Variants in SUGCT observed in about 807,000 individuals in gnomAD.
SUGCT encodes the protein succinyl-CoA:glutarate-CoA transferase.
A neutral mutation model predicts 55.0 loss-of-function variants in SUGCT; 41 were observed. That is an observed-to-expected ratio of 0.74 (90% CI 0.58 to 0.97). SUGCT has a LOEUF of 0.97. Among genes scored for constraint, SUGCT ranks in the 50% least tolerant of loss-of-function variants. SUGCT has a pLI of 0.00. For synonymous variants in SUGCT, 187 were observed against 200.4 expected (o/e 0.93, Z 0.56); for missense variants, 568 against 547.8 (o/e 1.04, Z -0.37).
intron 13 of SUGCT, among the ~76,000 whole-genome samples, chr7:40,854,419 C>CCTTT (rs70990650): frequency 0.14 from 12,461 of 88,208 alleles, 822 homozygotes; most frequent in Non-Finnish European, 0.16. Flanking sequence ...TTCTTTCTTT[C>CCTTT]CTTTCTTTCT....
At chr7:40,616,177 A>G (rs1798992865) in intron 12 of SUGCT, among the ~76,000 whole-genome samples, 1 of 152,146 alleles carries the variant, frequency 6.6e-6, no homozygotes, top group Non-Finnish European at 1.5e-5. Context: ...AGAAACCAGG[A>G]ACTAGGTATG....
chr7:40,954,470 G>A, the SUGCT span, among the ~76,000 whole-genome samples: 1 of 152,158 alleles, frequency 6.6e-6, no homozygotes, highest in African/African-American at 2.4e-5. Flanking sequence ...TGCACCCAGT[G>A]TCTGACAAGC....
chr7:40,135,792 G>A (rs1787655008), intron 1 of SUGCT, among the ~76,000 whole-genome samples: 1 of 151,892 alleles, frequency 6.6e-6, no homozygotes, highest in South Asian at 2.1e-4. Flanking sequence ...GAGTAGCTGG[G>A]ATTATAGGCA....
At chr7:40,149,862 T>C (rs1371405155) in intron 1 of SUGCT, among the ~76,000 whole-genome samples, 16 of 152,150 alleles carry the variant, frequency 1.1e-4, no homozygotes, top group Admixed American at 1.0e-3. Context: ...GAGGTTGCAG[T>C]GAGCTGAGAT....
At chr7:40,449,483 G>T in intron 10 of SUGCT, 125 bp downstream of exon 10, 1 of 689,414 alleles carries the variant, frequency 1.5e-6, no homozygotes, top group Admixed American at 2.2e-5. Context: ...ATATTCATGC[G>T]CATAAAGGAT....
chr7:40,846,188 G>A (rs1378733784), intron 13 of SUGCT, among the ~76,000 whole-genome samples: 2 of 152,130 alleles, frequency 1.3e-5, no homozygotes, highest in East Asian at 1.9e-4. Context: ...TTTCCATGGT[G>A]AAATCTAACC....
At position 40,860,443 on chromosome 7, in the gene SUGCT, C is replaced by G. The variant is rs760673817; in HGVS notation, c.1281C>G (p.Leu427=). The change falls in exon 14 of 14, where the codon CTC becomes CTG. Residue 427 remains leucine (L), a synonymous_variant. Transcript: ENST00000335693. ...ATGACAGGGCCATCGGGGAGCTGCTCAGCGCTGGAGTGGTGGACCAACATG... is the reference window on the plus strand; with the variant it reads ...ATGACAGGGCCATCGGGGAGCTGCTGAGCGCTGGAGTGGTGGACCAACATG... ...RYDDRAIGEL[L]SAGVVDQHET... 2 of 1,613,800 alleles carry G rather than the reference C, an allele frequency of 1.2e-6. No individual in the cohort carries two copies. The highest frequency in any genetic ancestry group is 1.3e-5 in the African/African-American group (1 of 74,924).
intron 13 of SUGCT, among the ~76,000 whole-genome samples, chr7:40,761,670 A>G (rs1026998773): frequency 2.0e-5 from 3 of 152,196 alleles, no homozygotes; most frequent in Non-Finnish European, 4.4e-5. Flanking sequence ...TTGACAGCAG[A>G]GCCCTTTTTC....
At chr7:40,980,653 AAG>A in the SUGCT span, among the ~76,000 whole-genome samples, 2 of 151,834 alleles carry the variant, frequency 1.3e-5, no homozygotes, top group African/African-American at 4.8e-5. Flanking sequence ...AGAAGGAAAA[AAG>A]AGGTGAGTAG....
At chr7:40,747,062 G>A (rs367810182) in intron 12 of SUGCT, among the ~76,000 whole-genome samples, 1 of 152,154 alleles carries the variant, frequency 6.6e-6, no homozygotes, top group Non-Finnish European at 1.5e-5. Context: ...GAAGCTGTGC[G>A]GGGCGGGTGC....
At chr7:40,586,418 C>T (rs779375413) in intron 12 of SUGCT, among the ~76,000 whole-genome samples, 6 of 152,104 alleles carry the variant, frequency 3.9e-5, no homozygotes, top group Non-Finnish European at 5.9e-5. Flanking sequence ...GGCTGCCAGA[C>T]TGGATGATGC....
chr7:40,919,429 A>C, the SUGCT span, among the ~76,000 whole-genome samples: 1 of 152,220 alleles, frequency 6.6e-6, no homozygotes, highest in African/African-American at 2.4e-5. Context: ...TCACTCAGAA[A>C]GTCCTATTCA....
chr7:40,418,763 G>A (rs1409863185), intron 9 of SUGCT, among the ~76,000 whole-genome samples: 2 of 152,128 alleles, frequency 1.3e-5, no homozygotes, highest in Admixed American at 6.5e-5. Flanking sequence ...TACCATGAGG[G>A]TCTTTAAATG....
the SUGCT span, among the ~76,000 whole-genome samples, chr7:41,007,745 T>C: frequency 6.8e-6 from 1 of 146,704 alleles, no homozygotes; most frequent in East Asian, 2.0e-4. Flanking sequence ...TTGGATTATT[T>C]GACCATGAAA....
At chr7:40,901,417 A>G in the SUGCT span, among the ~76,000 whole-genome samples, 3 of 152,282 alleles carry the variant, frequency 2.0e-5, no homozygotes, top group Middle Eastern at 3.4e-3. Context: ...TATCTATCTC[A>G]CGAGAATAAC....
chr7:40,898,484 G>GGGGGGGGC, the SUGCT span, among the ~76,000 whole-genome samples: 1 of 106,142 alleles, frequency 9.4e-6, no homozygotes, highest in Non-Finnish European at 2.1e-5. Context: ...GGAGGTCGGG[G>GGGGGGGGC]GGGGGGGGGG....
At chr7:40,908,382 C>CAAAA in the SUGCT span, among the ~76,000 whole-genome samples, 28 of 82,618 alleles carry the variant, frequency 3.4e-4, no homozygotes, top group African/African-American at 1.3e-3. Flanking sequence ...GACTCTGTCT[C>CAAAA]AAAAAAAAAA....
chr7:40,759,927 C>T (rs573592674), intron 13 of SUGCT, among the ~76,000 whole-genome samples: 1 of 151,416 alleles, frequency 6.6e-6, no homozygotes, highest in Non-Finnish European at 1.5e-5. Flanking sequence ...TATTGTTAGG[C>T]CATTTTAATA....
chr7:40,481,050 C>T lies in SUGCT; in HGVS notation c.987-15234C>T, dbSNP rs1209301308. On this transcript the variant is annotated intron_variant, in intron 11 of 13. Transcript: ENST00000335693. ...AAAAATCAAGTCTGGTGCAGTGGCC[C>T]ATGCCTGTAATCCCAGCACTTTGGG... 2.0e-5 allele frequency among the ~76,000 whole-genome samples: 3 copies of T among 152,262 alleles called. No individual in the cohort carries two copies. In the South Asian group the frequency reaches 6.2e-4, roughly 32 times the overall value.
Sources: allele counts gnomAD v4.1 joint callset (sites outside exome capture counted in the v4.1 genomes callset), GRCh38; gene constraint gnomAD v4.1.1; transcripts MANE v1.5; gene names NCBI Gene and HGNC (gene_info 2026-07-23, HGNC 2026-07-21).